The following LINGO2 variants were observed in gnomAD, a reference collection of about 807,000 sequenced individuals.
The protein encoded by LINGO2 is leucine rich repeat and Ig domain containing 2.
A neutral mutation model predicts 30.6 loss-of-function variants in LINGO2; 14 were observed. The observed-to-expected ratio is 0.46, with a 90% CI of 0.30 to 0.72. LINGO2 has a LOEUF of 0.72. Among genes scored for constraint, LINGO2 ranks in the 30% least tolerant of loss-of-function variants. The pLI is 0.07. For synonymous variants in LINGO2, 317 were observed against 288.5 expected (o/e 1.10, Z -1.00); for missense variants, 729 against 751.7 (o/e 0.97, Z 0.35).
intron 1 of LINGO2, among the ~76,000 whole-genome samples, chr9:28,525,446 A>G (rs77878752): frequency 5.3e-5 from 8 of 152,238 alleles, no homozygotes; most frequent in Non-Finnish European, 1.0e-4. Context: ...GAAAAACAAA[A>G]TATGGTATAC....
chr9:28,664,574 C>A (rs1170915494), intron 1 of LINGO2, among the ~76,000 whole-genome samples: 1 of 152,034 alleles, frequency 6.6e-6, no homozygotes, highest in African/African-American at 2.4e-5. Context: ...GATGACTGGG[C>A]TTCTCCTGTG....
At chr9:28,673,587 A>C (rs1829104068), upstream of LINGO2, among the ~76,000 whole-genome samples, 1 of 151,908 alleles carries the variant, frequency 6.6e-6, no homozygotes, top group Non-Finnish European at 1.5e-5. Flanking sequence ...GAATCGCTTG[A>C]ACCCGGGAGG....
intron 4 of LINGO2, among the ~76,000 whole-genome samples, chr9:28,256,932 A>G (rs1485602619): frequency 1.3e-5 from 2 of 151,942 alleles, no homozygotes; most frequent in Non-Finnish European, 2.9e-5. Context: ...AGATGCTGCT[A>G]TGTACAATTT....
intron 1 of LINGO2, among the ~76,000 whole-genome samples, chr9:28,503,998 T>G (rs1396146832): frequency 1.3e-5 from 2 of 151,930 alleles, no homozygotes; most frequent in Non-Finnish European, 2.9e-5. Context: ...CTTCTTTAAC[T>G]GCCTATCATG....
chr9:29,108,669 A>G, the LINGO2 span, among the ~76,000 whole-genome samples: 1 of 152,222 alleles, frequency 6.6e-6, no homozygotes, highest in African/African-American at 2.4e-5. Context: ...GGTGGCATTT[A>G]GAGGTATGCA....
chr9:27,972,738 C>A (rs1007844549), intron 5 of LINGO2, among the ~76,000 whole-genome samples: 11 of 152,204 alleles, frequency 7.2e-5, no homozygotes, highest in African/African-American at 2.7e-4. Context: ...ACCTGGAATG[C>A]ACTTCAATTT....
the LINGO2 span, among the ~76,000 whole-genome samples, chr9:28,716,857 T>C: frequency 1.3e-5 from 2 of 152,140 alleles, no homozygotes; most frequent in Admixed American, 1.3e-4. Flanking sequence ...TTAAGCCAGC[T>C]ATCATAAATT....
At chr9:28,632,881 TAGAGAGAGAG>T (rs36101397) in intron 1 of LINGO2, among the ~76,000 whole-genome samples, 4 of 61,914 alleles carry the variant, frequency 6.5e-5, no homozygotes, top group African/African-American at 1.4e-4. Context: ...TATATATATG[TAGAGAGAGAG>T]AGAGAGAGAG....
intron 4 of LINGO2, among the ~76,000 whole-genome samples, chr9:28,029,406 C>T (rs1243660164): frequency 6.6e-6 from 1 of 152,154 alleles, no homozygotes; most frequent in African/African-American, 2.4e-5. Context: ...CAGGGTACTT[C>T]TCAGAGCTAC....
intron 3 of LINGO2, among the ~76,000 whole-genome samples, chr9:28,313,908 T>C (rs1301081133): frequency 6.6e-6 from 1 of 152,156 alleles, no homozygotes; most frequent in Non-Finnish European, 1.5e-5. Flanking sequence ...ACGTTGAGAA[T>C]TTCAAACACT....
intron 1 of LINGO2, among the ~76,000 whole-genome samples, chr9:28,551,177 C>T (rs1341528109): frequency 2.0e-5 from 3 of 150,592 alleles, no homozygotes; most frequent in Admixed American, 6.6e-5. Context: ...ATATTTTAAA[C>T]TTTAAATAGA....
At chr9:28,028,543 A>G (rs1823500856) in intron 4 of LINGO2, among the ~76,000 whole-genome samples, 1 of 152,180 alleles carries the variant, frequency 6.6e-6, no homozygotes, top group East Asian at 1.9e-4. Context: ...ATTGAAATTA[A>G]TGAATGGTAG....
the LINGO2 span, among the ~76,000 whole-genome samples, chr9:28,990,040 C>T: frequency 1.0e-3 from 154 of 152,230 alleles, 1 homozygote; most frequent in African/African-American, 3.3e-3. Context: ...AGACAGTGGG[C>T]GCAGGACAGT....
At chr9:28,189,349 A>G (rs868600594) in intron 4 of LINGO2, among the ~76,000 whole-genome samples, 173 of 11,212 alleles carry the variant, frequency 0.015, 8 homozygotes, top group Non-Finnish European at 0.02. Flanking sequence ...GGAAGGGAGG[A>G]AGGAAGGGAG....
chr9:28,650,960 G>A (rs986418288), intron 1 of LINGO2, among the ~76,000 whole-genome samples: 6 of 152,104 alleles, frequency 3.9e-5, no homozygotes, highest in African/African-American at 1.4e-4. Flanking sequence ...GGAGGCTGAG[G>A]TGGGCGGATC....
At chr9:28,188,586 A>T (rs1277965169) in intron 4 of LINGO2, among the ~76,000 whole-genome samples, 1 of 152,152 alleles carries the variant, frequency 6.6e-6, no homozygotes, top group Non-Finnish European at 1.5e-5. Context: ...AAAAATTGGG[A>T]CAATCAAATT....
chr9:28,545,667 A>G (rs908848626), intron 1 of LINGO2, among the ~76,000 whole-genome samples: 21 of 151,922 alleles, frequency 1.4e-4, no homozygotes, highest in African/African-American at 4.8e-4. Flanking sequence ...GAGGGGGGGA[A>G]CTTTTAGTGG....
chr9:28,956,388 A>G, the LINGO2 span, among the ~76,000 whole-genome samples: 1 of 152,054 alleles, frequency 6.6e-6, no homozygotes, highest in Admixed American at 6.6e-5. Flanking sequence ...ATATTTAAAA[A>G]CTTAAAACTG....
At chr9:28,615,089 A>G (rs1051712459) in intron 1 of LINGO2, among the ~76,000 whole-genome samples, 1 of 152,078 alleles carries the variant, frequency 6.6e-6, no homozygotes, top group Non-Finnish European at 1.5e-5. Flanking sequence ...TGTACCCTAC[A>G]TGGGAGAACT....
Sources: gnomAD v4.1 joint callset for allele counts (sites outside exome capture counted in the v4.1 genomes callset) on GRCh38, gnomAD v4.1.1 for gene constraint, MANE v1.5 for transcripts, NCBI Gene and HGNC (gene_info 2026-07-23, HGNC 2026-07-21) for gene names.